Variants in KIF16B observed in about 807,000 individuals in gnomAD.
The protein encoded by KIF16B is kinesin family member 16B.
A neutral mutation model predicts 156.3 loss-of-function variants in KIF16B; 98 were observed. That is an observed-to-expected ratio of 0.63 (90% CI 0.53 to 0.74). The LOEUF (loss-of-function observed/expected upper bound fraction) is 0.74. Among genes scored for constraint, KIF16B ranks in the 30% least tolerant of loss-of-function variants. The probability of loss-of-function intolerance (pLI) is 0.00; values close to 1 mark genes in which losing one functional copy is unlikely to be tolerated. For missense variants in KIF16B, 1,421 were observed against 1,606.5 expected, an observed-to-expected ratio of 0.88 and a Z score of 1.97; for synonymous variants, 564 against 583.7, an observed-to-expected ratio of 0.97 and a Z score of 0.49.
At chr20:16,407,354 TGA>T in intron 15 of KIF16B, among the ~76,000 whole-genome samples, 1 of 152,270 alleles carries the variant, frequency 6.6e-6, no homozygotes, top group South Asian at 2.1e-4. Context: ...CATCCACGTA[TGA>T]GAGTCTACAA....
chr20:16,505,202 C>A (rs2068738437), intron 9 of KIF16B, among the ~76,000 whole-genome samples: 1 of 152,144 alleles, frequency 6.6e-6, no homozygotes, highest in South Asian at 2.1e-4. Context: ...GGAAACAAGT[C>A]CTGACTTCTC....
chr20:16,566,823 A>G (rs2071272650), intron 1 of KIF16B, among the ~76,000 whole-genome samples: 1 of 152,256 alleles, frequency 6.6e-6, no homozygotes, highest in Non-Finnish European at 1.5e-5. Context: ...AATGCAATTA[A>G]CTAAAATCCT....
At chr20:16,302,824 T>C (rs2063492224) in intron 25 of KIF16B, among the ~76,000 whole-genome samples, 1 of 152,346 alleles carries the variant, frequency 6.6e-6, no homozygotes, top group Admixed American at 6.5e-5. Context: ...GTATATAGAA[T>C]AGCTATTGAT....
chr20:16,528,713 G>A (rs958005841), intron 1 of KIF16B, among the ~76,000 whole-genome samples: 1 of 152,084 alleles, frequency 6.6e-6, no homozygotes, highest in South Asian at 2.1e-4. Context: ...AAGAGTAAAT[G>A]AAATAACAGA....
At chr20:16,397,486 T>C (rs2065537393) in intron 17 of KIF16B, among the ~76,000 whole-genome samples, 1 of 152,214 alleles carries the variant, frequency 6.6e-6, no homozygotes, top group South Asian at 2.1e-4. Flanking sequence ...CAAATCTTAC[T>C]ATAATTCAGA....
chr20:16,450,162 A>C (rs1473119664), intron 12 of KIF16B, among the ~76,000 whole-genome samples: 4 of 152,206 alleles, frequency 2.6e-5, no homozygotes, highest in African/African-American at 7.2e-5. Context: ...TTGGTCAAAA[A>C]TCCAATTTTA....
chr20:16,290,922 C>T (rs1217854486), intron 25 of KIF16B, among the ~76,000 whole-genome samples: 2 of 151,982 alleles, frequency 1.3e-5, no homozygotes, highest in African/African-American at 2.4e-5. Flanking sequence ...CAGGGAAATG[C>T]AAATTAAAAA....
chr20:16,560,470 G>C (rs1390534724), intron 1 of KIF16B, among the ~76,000 whole-genome samples: 1 of 152,200 alleles, frequency 6.6e-6, no homozygotes. Context: ...AAGTTCCTGA[G>C]AGCAGGCATC....
At chr20:16,442,962 C>A (rs2066843024) in intron 12 of KIF16B, among the ~76,000 whole-genome samples, 1 of 152,176 alleles carries the variant, frequency 6.6e-6, no homozygotes, top group Non-Finnish European at 1.5e-5. Context: ...TAAAGACCAT[C>A]CCCTAATGAG....
intron 25 of KIF16B, among the ~76,000 whole-genome samples, chr20:16,306,581 C>T (rs1391653487): frequency 2.0e-5 from 3 of 152,116 alleles, no homozygotes; most frequent in African/African-American, 7.2e-5. Flanking sequence ...AATAGTGACA[C>T]GATTTTAGTG....
At chr20:16,476,592 G>A (rs1484604543) in intron 12 of KIF16B, among the ~76,000 whole-genome samples, 1 of 152,032 alleles carries the variant, frequency 6.6e-6, no homozygotes, top group Non-Finnish European at 1.5e-5. Context: ...AAATGCAAAT[G>A]AGCCCATTAT....
chr20:16,410,191 A>ATATATATGTAGG (rs2065912334), intron 15 of KIF16B, among the ~76,000 whole-genome samples: 2 of 145,814 alleles, frequency 1.4e-5, no homozygotes, highest in South Asian at 2.2e-4. Flanking sequence ...GTAGGTACAT[A>ATATATATGTAGG]TACATATATG....
intron 18 of KIF16B, among the ~76,000 whole-genome samples, chr20:16,381,199 G>GC (rs1418028814): frequency 5.9e-5 from 9 of 151,966 alleles, no homozygotes; most frequent in Admixed American, 1.3e-4. Context: ...CCTCCACCCT[G>GC]CCCCCCCATA....
intron 25 of KIF16B, among the ~76,000 whole-genome samples, chr20:16,298,670 A>C (rs1303862838): frequency 6.6e-6 from 1 of 152,178 alleles, no homozygotes; most frequent in South Asian, 2.1e-4. Context: ...CCTAAAAGAA[A>C]GACCATCAGA....
In KIF16B at chr20:16,339,141, C is replaced by T. The variant is rs141930505; in HGVS notation, c.3622-3126G>A. Among the ~76,000 whole-genome samples the T allele has an allele frequency of 5.5e-3, 838 of 152,146 alleles. 8 individuals are homozygous for T. The highest frequency in any genetic ancestry group is 0.019 in the African/African-American group (770 of 41,500). Reference sequence around the variant, plus strand: ...CAGGAGAGGAGAAAATTGTTAATTGCGGTGTCTTTCAGAAATCTACTCACC... The same window carrying T: ...CAGGAGAGGAGAAAATTGTTAATTGTGGTGTCTTTCAGAAATCTACTCACC... On this transcript the variant is annotated intron_variant, in intron 23 of 25. Transcript: ENST00000354981.
chr20:16,354,146 C>T (rs1025784063), intron 23 of KIF16B, among the ~76,000 whole-genome samples: 3 of 152,180 alleles, frequency 2.0e-5, no homozygotes, highest in Non-Finnish European at 2.9e-5. Context: ...TGCACACCAC[C>T]TGATTATTAT....
At chr20:16,297,436 T>C (rs2063404371) in intron 25 of KIF16B, among the ~76,000 whole-genome samples, 1 of 152,204 alleles carries the variant, frequency 6.6e-6, no homozygotes, top group Non-Finnish European at 1.5e-5. Context: ...CTCACGCCTG[T>C]AATCCCAGCA....
chr20:16,431,648 C>T (rs2066502993), intron 12 of KIF16B, among the ~76,000 whole-genome samples: 3 of 152,174 alleles, frequency 2.0e-5, no homozygotes, highest in South Asian at 4.2e-4. Flanking sequence ...CCCCTTGCCT[C>T]TACCCAATAG....
At chr20:16,363,674 C>A (rs1032134126) in intron 22 of KIF16B, among the ~76,000 whole-genome samples, 4 of 152,234 alleles carry the variant, frequency 2.6e-5, no homozygotes, top group African/African-American at 9.6e-5. Context: ...CTGTCATCAC[C>A]ACGATGGCTA....
Sources: gnomAD v4.1 joint callset for allele counts (sites outside exome capture counted in the v4.1 genomes callset) on GRCh38, gnomAD v4.1.1 for gene constraint, MANE v1.5 for transcripts, NCBI Gene and HGNC (gene_info 2026-07-23, HGNC 2026-07-21) for gene names.